TMEM232: variants seen among roughly 807,000 people sequenced by gnomAD.
TMEM232 encodes the protein transmembrane protein 232.
TMEM232 carries 80 observed loss-of-function variants against 78.8 expected under a neutral mutation model. That is an observed-to-expected ratio of 1.01 (90% confidence interval 0.85 to 1.22). TMEM232 has a LOEUF of 1.22. Among genes scored for constraint, TMEM232 ranks in the 50% most tolerant of loss-of-function variants. The pLI is 0.00. For missense variants in TMEM232, 881 were observed against 742.2 expected, an observed-to-expected ratio of 1.19 and a Z score of -2.17; for synonymous variants, 297 against 254.3, an observed-to-expected ratio of 1.17 and a Z score of -1.60.
intron 12 of TMEM232, among the ~76,000 whole-genome samples, chr5:110,499,804 T>G (rs950441867): frequency 1.3e-5 from 2 of 152,278 alleles, no homozygotes; most frequent in Non-Finnish European, 2.9e-5. Context: ...CAACTATAGT[T>G]CAACATTTGT....
intron 8 of TMEM232, among the ~76,000 whole-genome samples, chr5:110,615,951 A>G (rs1782873075): frequency 6.6e-6 from 1 of 152,040 alleles, no homozygotes; most frequent in Non-Finnish European, 1.5e-5. Context: ...AAGATATTCC[A>G]TGTTCATGGA....
chr5:110,688,401 G>A (rs1002235642), intron 1 of TMEM232, among the ~76,000 whole-genome samples: 6 of 152,168 alleles, frequency 3.9e-5, no homozygotes, highest in Admixed American at 3.9e-4. Context: ...AAATTCTTGG[G>A]ATTGTGGAGA....
intron 12 of TMEM232, among the ~76,000 whole-genome samples, chr5:110,528,022 T>C (rs949001898): frequency 6.6e-6 from 1 of 151,948 alleles, no homozygotes; most frequent in African/African-American, 2.4e-5. Flanking sequence ...TATGTTAAAA[T>C]GGTAACAGGG....
intron 12 of TMEM232, among the ~76,000 whole-genome samples, chr5:110,450,518 T>A (rs920827444): frequency 2.6e-5 from 4 of 152,140 alleles, no homozygotes; most frequent in Non-Finnish European, 5.9e-5. Flanking sequence ...CATGTCAAAA[T>A]AGAGCCCCTG....
chr5:110,661,953 A>C (rs189342776), intron 2 of TMEM232, among the ~76,000 whole-genome samples: 74 of 152,192 alleles, frequency 4.9e-4, no homozygotes, highest in Non-Finnish European at 8.4e-4. Context: ...TTTTTTGAGA[A>C]ATGTCTATTT....
intron 2 of TMEM232, among the ~76,000 whole-genome samples, chr5:110,410,028 G>A (rs1284299323): frequency 2.6e-5 from 4 of 152,176 alleles, no homozygotes; most frequent in Admixed American, 2.6e-4. Flanking sequence ...CTATTTATAG[G>A]AATATAGATA....
intron 1 of TMEM232, among the ~76,000 whole-genome samples, chr5:110,669,273 T>C (rs1310520681): frequency 1.3e-5 from 2 of 151,656 alleles, no homozygotes; most frequent in African/African-American, 2.4e-5. Context: ...ATCAAATAGA[T>C]GCAATAAAAA....
intron 2 of TMEM232, among the ~76,000 whole-genome samples, chr5:110,733,393 G>T (rs244930): frequency 0.97 from 148,376 of 152,260 alleles, 72,385 homozygotes; most frequent in Non-Finnish European, 1. Context: ...CACATGCACA[G>T]GTATGTTCAT....
intron 7 of TMEM232, among the ~76,000 whole-genome samples, chr5:110,620,581 C>CTCTA (rs1561399461): frequency 0.012 from 41 of 3,444 alleles, 1 homozygote; most frequent in African/African-American, 0.021. Context: ...TCTCATATCT[C>CTCTA]TCTCTCTCTC....
intron 10 of TMEM232, among the ~76,000 whole-genome samples, chr5:110,582,267 C>T (rs756951252): frequency 7.9e-5 from 12 of 150,976 alleles, no homozygotes; most frequent in Non-Finnish European, 1.2e-4. Flanking sequence ...CCTAGATGTC[C>T]ATCAACAGTG....
chr5:110,525,925 C>A, intron 12 of TMEM232, among the ~76,000 whole-genome samples: 1 of 141,878 alleles, frequency 7.0e-6, no homozygotes, highest in Non-Finnish European at 1.5e-5. Flanking sequence ...AAAAAGTTGG[C>A]AATTAAAATC....
intron 12 of TMEM232, among the ~76,000 whole-genome samples, chr5:110,494,749 T>G (rs998855658): frequency 1.3e-5 from 2 of 151,946 alleles, no homozygotes; most frequent in African/African-American, 4.8e-5. Context: ...ATTCACACAA[T>G]AAAATATACC....
At chr5:110,444,078 G>C (rs1470094347) in intron 12 of TMEM232, among the ~76,000 whole-genome samples, 3 of 152,128 alleles carry the variant, frequency 2.0e-5, no homozygotes, top group East Asian at 3.9e-4. Flanking sequence ...CACTCCCTTC[G>C]CTGCCCTGGC....
intron 3 of TMEM232, among the ~76,000 whole-genome samples, chr5:110,391,780 A>G (rs180850617): frequency 1.8e-4 from 28 of 152,356 alleles, no homozygotes; most frequent in Non-Finnish European, 3.2e-4. Context: ...AGATCAAGTC[A>G]AGATAAAAGT....
intron 12 of TMEM232, among the ~76,000 whole-genome samples, chr5:110,517,882 C>A (rs1040272289): frequency 3.3e-5 from 5 of 152,170 alleles, no homozygotes; most frequent in East Asian, 1.9e-4. Flanking sequence ...CCCTCAAAGC[C>A]TACAGGACTT....
intron 2 of TMEM232, among the ~76,000 whole-genome samples, chr5:110,666,186 C>A (rs990954673): frequency 2.0e-5 from 3 of 152,126 alleles, no homozygotes; most frequent in African/African-American, 7.2e-5. Flanking sequence ...AATGCAGAAT[C>A]TGACCTGCTC....
chr5:110,429,787 T>C (rs757790915), intron 12 of TMEM232: 1 of 151,772 alleles, frequency 6.6e-6, no homozygotes, highest in East Asian at 1.9e-4. Context: ...TTTCTCAGTA[T>C]ATTTAGTCTC....
At chr5:110,518,770 G>T (rs553367852) in intron 12 of TMEM232, among the ~76,000 whole-genome samples, 1 of 152,210 alleles carries the variant, frequency 6.6e-6, no homozygotes, top group Non-Finnish European at 1.5e-5. Flanking sequence ...ATATGATTTT[G>T]GAACTTAAAT....
intron 11 of TMEM232, among the ~76,000 whole-genome samples, chr5:110,553,833 TATA>T (rs1433612094): frequency 1.2e-4 from 19 of 152,272 alleles, no homozygotes; most frequent in African/African-American, 4.6e-4. Flanking sequence ...AATTGTTCAA[TATA>T]ATGTTAGCTG....
Sources: allele counts gnomAD v4.1 joint callset (sites outside exome capture counted in the v4.1 genomes callset), GRCh38; gene constraint gnomAD v4.1.1; transcripts MANE v1.5; gene names NCBI Gene and HGNC (gene_info 2026-07-23, HGNC 2026-07-21).